The following PCDH15 variants were observed in gnomAD, a reference collection of about 807,000 sequenced individuals.
The protein encoded by PCDH15 is protocadherin related 15.
PCDH15 carries 129 observed loss-of-function variants against 178.5 expected under a neutral mutation model. The observed-to-expected ratio is 0.72, with a 90% CI of 0.63 to 0.84. PCDH15 has a LOEUF of 0.84. Ranked by LOEUF, PCDH15 falls within the 40% of genes least tolerant of loss-of-function variation. The pLI is 0.00. For synonymous variants in PCDH15, 800 were observed against 732.0 expected (o/e 1.09, Z -1.50); for missense variants, 2,230 against 2,099.9 (o/e 1.06, Z -1.21).
intron 3 of PCDH15, among the ~76,000 whole-genome samples, chr10:54,862,361 A>C (rs1260174180): frequency 6.6e-6 from 1 of 152,260 alleles, no homozygotes; most frequent in Non-Finnish European, 1.5e-5. Context: ...AAAGTACAAC[A>C]ATATAAAACC....
intron 1 of PCDH15, among the ~76,000 whole-genome samples, chr10:54,733,025 G>C (rs1486410015): frequency 6.6e-6 from 1 of 151,454 alleles, no homozygotes; most frequent in Non-Finnish European, 1.5e-5. Flanking sequence ...TAACCTGATA[G>C]AGTTTGTCTA....
At chr10:54,205,145 C>T (rs548057059) in intron 10 of PCDH15, among the ~76,000 whole-genome samples, 1 of 152,158 alleles carries the variant, frequency 6.6e-6, no homozygotes, top group East Asian at 1.9e-4. Flanking sequence ...ACAGCCACAT[C>T]CCCTGGTCCT....
chr10:54,148,171 G>A (rs1322086704), intron 14 of PCDH15, among the ~76,000 whole-genome samples: 1 of 151,806 alleles, frequency 6.6e-6, no homozygotes, highest in Non-Finnish European at 1.5e-5. Context: ...ACCTTACTTG[G>A]CTCTTATTGT....
intron 21 of PCDH15, among the ~76,000 whole-genome samples, chr10:53,978,958 A>C (rs940253643): frequency 6.6e-5 from 10 of 152,096 alleles, no homozygotes; most frequent in African/African-American, 2.2e-4. Context: ...CCATTCAACA[A>C]ATCTCTATGA....
At chr10:55,428,662 A>T (rs1838814241) in intron 2 of PCDH15, among the ~76,000 whole-genome samples, 1 of 151,776 alleles carries the variant, frequency 6.6e-6, no homozygotes, top group African/African-American at 2.4e-5. Context: ...TTACTTTTTT[A>T]TTCAATCTGA....
chr10:55,598,555 T>TAGATAGATAGATAG (rs1564473934), intron 2 of PCDH15, among the ~76,000 whole-genome samples: 16 of 95,414 alleles, frequency 1.7e-4, no homozygotes, highest in African/African-American at 6.1e-4. Context: ...TATATATATA[T>TAGATAGATAGATAG]ATATATATAT....
At chr10:54,253,460 G>T (rs1187769135) in intron 8 of PCDH15, among the ~76,000 whole-genome samples, 2 of 152,022 alleles carry the variant, frequency 1.3e-5, no homozygotes, top group African/African-American at 4.8e-5. Flanking sequence ...TGACAACAGT[G>T]AGTTATATAT....
chr10:55,603,514 A>T (rs1347740493), intron 2 of PCDH15, among the ~76,000 whole-genome samples: 2 of 152,102 alleles, frequency 1.3e-5, no homozygotes, highest in Middle Eastern at 3.2e-3. Context: ...GTTACCCTCA[A>T]AGGGAAGCCC....
chr10:55,225,022 C>T (rs1840987209), intron 1 of PCDH15, among the ~76,000 whole-genome samples: 1 of 152,098 alleles, frequency 6.6e-6, no homozygotes, highest in African/African-American at 2.4e-5. Context: ...CTTCTTAACA[C>T]TTATCCTTAT....
chr10:55,369,529 C>T (rs1845448064), intron 2 of PCDH15, among the ~76,000 whole-genome samples: 1 of 151,928 alleles, frequency 6.6e-6, no homozygotes, highest in African/African-American at 2.4e-5. Flanking sequence ...TTATTTTGCA[C>T]CGTACTAAAT....
At chr10:54,772,153 A>G (rs922994530) in intron 1 of PCDH15, among the ~76,000 whole-genome samples, 2 of 152,152 alleles carry the variant, frequency 1.3e-5, no homozygotes, top group Non-Finnish European at 2.9e-5. Context: ...AATAAATGAA[A>G]CATACATATT....
intron 15 of PCDH15, among the ~76,000 whole-genome samples, chr10:54,090,849 C>G (rs192947031): frequency 6.6e-6 from 1 of 152,122 alleles, no homozygotes. Flanking sequence ...TTCTGTGTAT[C>G]CATTTCTAAA....
At chr10:54,665,116 C>T (rs929911908) in intron 1 of PCDH15, among the ~76,000 whole-genome samples, 5 of 151,700 alleles carry the variant, frequency 3.3e-5, no homozygotes, top group African/African-American at 1.2e-4. Flanking sequence ...AGGTTCCAAA[C>T]TCAAATGCCT....
At chr10:54,925,542 C>G (rs1191820703) in intron 2 of PCDH15, among the ~76,000 whole-genome samples, 1 of 152,090 alleles carries the variant, frequency 6.6e-6, no homozygotes, top group Non-Finnish European at 1.5e-5. Context: ...GGCAGTGTGA[C>G]CATCTTAACC....
At chr10:54,094,018 C>G (rs1179695369) in intron 15 of PCDH15, among the ~76,000 whole-genome samples, 7 of 152,124 alleles carry the variant, frequency 4.6e-5, no homozygotes, top group Non-Finnish European at 1.0e-4. Context: ...CAGCAGTTAT[C>G]TTTCTGGGGC....
At chr10:55,379,636 T>C (rs1837485135) in intron 2 of PCDH15, among the ~76,000 whole-genome samples, 1 of 151,996 alleles carries the variant, frequency 6.6e-6, no homozygotes, top group Admixed American at 6.6e-5. Flanking sequence ...TAAATACTTA[T>C]TTACAAACCC....
intron 2 of PCDH15, among the ~76,000 whole-genome samples, chr10:55,338,858 T>C (rs61470435): frequency 0.012 from 1,794 of 152,198 alleles, 32 homozygotes; most frequent in African/African-American, 0.04. Context: ...GACATTATGT[T>C]AAGGGATGTA....
At chr10:55,529,078 G>GT (rs1404590384) in intron 2 of PCDH15, among the ~76,000 whole-genome samples, 1 of 151,828 alleles carries the variant, frequency 6.6e-6, no homozygotes, top group Non-Finnish European at 1.5e-5. Flanking sequence ...GGGGTTGTTT[G>GT]TTTTTTTCTT....
At chr10:55,385,110 C>G (rs1215058119) in intron 2 of PCDH15, among the ~76,000 whole-genome samples, 2 of 151,980 alleles carry the variant, frequency 1.3e-5, no homozygotes, top group Non-Finnish European at 2.9e-5. Flanking sequence ...TCAAGGGAGT[C>G]AAAGAATTAC....
Sources: gnomAD v4.1 joint callset for allele counts (sites outside exome capture counted in the v4.1 genomes callset) on GRCh38, gnomAD v4.1.1 for gene constraint, MANE v1.5 for transcripts, NCBI Gene and HGNC (gene_info 2026-07-23, HGNC 2026-07-21) for gene names.